XPO1: variants seen among roughly 807,000 people sequenced by gnomAD.
XPO1 encodes exportin-1.
In XPO1, 5 loss-of-function variants were observed where a neutral mutation model predicts 133.3. The ratio of observed to expected loss-of-function variants is 0.04; its 90% CI spans 0.02 to 0.08. The LOEUF is 0.08. Among genes scored for constraint, XPO1 ranks in the 10% least tolerant of loss-of-function variants. The probability of loss-of-function intolerance (pLI) is 1.00; values close to 1 mark genes in which losing one functional copy is unlikely to be tolerated. For synonymous variants in XPO1, 419 were observed against 408.2 expected (o/e 1.03, Z -0.32); for missense variants, 506 against 1,267.5 (o/e 0.40, Z 9.12).
chr2:61,482,034 C>CTTTTTTTTTTTTTTTTTT (rs1195049382), intron 23 of XPO1, among the ~76,000 whole-genome samples: 10 of 71,384 alleles, frequency 1.4e-4, no homozygotes, highest in Non-Finnish European at 2.4e-4. Flanking sequence ...CGTGCGTGGC[C>CTTTTTTTTTTTTTTTTTT]TTTTTTTTTT....
At chr2:61,505,828 G>C (rs1023067082) in intron 4 of XPO1, among the ~76,000 whole-genome samples, 1 of 152,052 alleles carries the variant, frequency 6.6e-6, no homozygotes, top group Non-Finnish European at 1.5e-5. Context: ...GAAGTGCTGG[G>C]ATTACATGAG....
intron 4 of XPO1, among the ~76,000 whole-genome samples, chr2:61,507,474 G>C (rs1212285825): frequency 6.6e-6 from 1 of 151,882 alleles, no homozygotes; most frequent in African/African-American, 2.4e-5. Context: ...CTTGGGCTGT[G>C]GCAGAATTCT....
chr2:61,498,583 A>T, intron 9 of XPO1, 90 bp downstream of exon 9: 4 of 1,497,694 alleles, frequency 2.7e-6, no homozygotes, highest in Non-Finnish European at 3.6e-6. Context: ...AAGGTTGAAT[A>T]AGGTTTAGAA....
intron 4 of XPO1, among the ~76,000 whole-genome samples, chr2:61,512,998 CAAAT>C (rs1190467066): frequency 6.6e-6 from 1 of 152,142 alleles, no homozygotes; most frequent in African/African-American, 2.4e-5. Flanking sequence ...GACTCTGTCT[CAAAT>C]AAATATATAA....
At chr2:61,535,134 G>A (rs1034097295) in intron 1 of XPO1, among the ~76,000 whole-genome samples, 1 of 152,148 alleles carries the variant, frequency 6.6e-6, no homozygotes, top group African/African-American at 2.4e-5. Context: ...TAAGATGCTG[G>A]CACACATCCA....
rs781627453 is a variant in XPO1, at chr2:61,490,806, T to G, written c.1888-30A>C. ...TTTAAAAAGCAGACATTTTAACGTT[T>G]ATGTTATACACCCTAATAAGGAAAA... On this transcript the variant is annotated intron_variant, in intron 16 of 24. Coordinates refer to ENST00000401558, the MANE Select transcript of XPO1 (RefSeq NM_003400.4). 6.8e-6 allele frequency: 11 copies of G among 1,606,680 alleles called. No individual in the cohort carries two copies. The East Asian group carries it at 1.3e-4, about 20-fold the overall frequency.
chr2:61,484,303 A>G lies in XPO1; in HGVS notation c.2509-198T>C, dbSNP rs1024326522. The G allele has an allele frequency of 3.4e-5, 17 of 507,278 alleles. No individual in the cohort carries two copies. The South Asian group carries it at 3.5e-4, about 10-fold the overall frequency. The allele number at this position is 507,278 out of a possible 1,614,324, so 31.4% of individuals were successfully genotyped here. On this transcript the variant is annotated intron_variant, in intron 20 of 24. Coordinates refer to ENST00000401558, the MANE Select transcript of XPO1 (RefSeq NM_003400.4). ...AAAATGAAACTGTCCCGTTACGCAC[A>G]TGAGTTATCAAATTGAAGGAGAAAG...
At chr2:61,511,958 CGG>C (rs1698120204) in intron 4 of XPO1, among the ~76,000 whole-genome samples, 1 of 151,692 alleles carries the variant, frequency 6.6e-6, no homozygotes, top group South Asian at 2.1e-4. Context: ...TTAGTAGAGA[CGG>C]GGTTTCACCA....
At chr2:61,489,536 T>A (rs977182964) in intron 17 of XPO1, among the ~76,000 whole-genome samples, 10 of 151,984 alleles carry the variant, frequency 6.6e-5, no homozygotes, top group African/African-American at 2.2e-4. Context: ...TACATCTACT[T>A]AAGAATGAAG....
At chr2:61,519,044 G>A (rs777381194) in intron 4 of XPO1, among the ~76,000 whole-genome samples, 1 of 151,962 alleles carries the variant, frequency 6.6e-6, no homozygotes, top group African/African-American at 2.4e-5. Flanking sequence ...TCCGCCTCCC[G>A]GGTTCAAGCA....
intron 1 of XPO1, among the ~76,000 whole-genome samples, chr2:61,537,354 G>A (rs537915818): frequency 1.3e-5 from 2 of 151,154 alleles, no homozygotes; most frequent in African/African-American, 4.8e-5. Flanking sequence ...CCCCTCCCGA[G>A]GCCGCCTCCC....
chr2:61,519,716 AAAAAAAAC>A (rs1161392561), intron 4 of XPO1, among the ~76,000 whole-genome samples: 6 of 150,884 alleles, frequency 4.0e-5, no homozygotes, highest in South Asian at 4.2e-4. Flanking sequence ...AAAAAAAAAA[AAAAAAAAC>A]ACCACGTAAA....
intron 4 of XPO1, among the ~76,000 whole-genome samples, chr2:61,504,037 CTT>C (rs773144746): frequency 5.8e-4 from 89 of 152,252 alleles, no homozygotes; most frequent in African/African-American, 1.6e-3. Context: ...AGAGCGAACT[CTT>C]GTCTCAAAAA....
At position 61,522,627 on chromosome 2, in the gene XPO1, T is replaced by G. The variant is rs748473780; in HGVS notation, c.285A>C (p.Pro95=). The G allele has an allele frequency of 6.2e-7, 1 of 1,613,920 alleles. No individual in the cohort carries two copies. Among genetic ancestry groups the G allele is most frequent in the Non-Finnish European group, 8.5e-7 (1 of 1,179,870 alleles). ...NVIKTRWKIL[P]RNQCEGIKKY... ...TTTTCCTACCTTCGCACTGGTTCCTTGGAAGAATCTTCCACCTTGTTTTTA... is the reference window on the plus strand; with the variant it reads ...TTTTCCTACCTTCGCACTGGTTCCTGGGAAGAATCTTCCACCTTGTTTTTA... The change falls in exon 4 of 25, where the codon CCA becomes CCC. Residue 95 remains proline (P), a synonymous_variant. Coordinates refer to ENST00000401558, the MANE Select transcript of XPO1 (RefSeq NM_003400.4).
Position 61,498,922 on chromosome 2 carries a change from A to T in XPO1, c.591-9T>A. ...AGAATTCATTGCACATGCTAAAAAA[A>T]AAAACACACAAAAATATCAGATTTA... On this transcript the variant is annotated splice_polypyrimidine_tract_variant and intron_variant, in intron 7 of 24. Transcript: ENST00000401558. The T allele has an allele frequency of 2.5e-6, 4 of 1,573,104 alleles. No homozygotes were observed. Among genetic ancestry groups the T allele is most frequent in the Non-Finnish European group, 3.4e-6 (4 of 1,162,306 alleles).
intron 2 of XPO1, among the ~76,000 whole-genome samples, chr2:61,531,661 T>C (rs1699159217): frequency 6.6e-6 from 1 of 152,232 alleles, no homozygotes. Flanking sequence ...TACAGACCTG[T>C]GCTTCCAATA....
intron 4 of XPO1, among the ~76,000 whole-genome samples, chr2:61,521,288 G>A (rs1310826600): frequency 6.6e-6 from 1 of 152,142 alleles, no homozygotes; most frequent in Non-Finnish European, 1.5e-5. Context: ...GTAAATCCAT[G>A]TCACTATTCT....
chr2:61,526,794 G>A (rs572345512), intron 2 of XPO1, among the ~76,000 whole-genome samples: 29 of 150,230 alleles, frequency 1.9e-4, no homozygotes, highest in African/African-American at 7.1e-4. Context: ...TGCAACCTCT[G>A]CCTCCTGGGT....
At chr2:61,518,554 T>C (rs905911830) in intron 4 of XPO1, among the ~76,000 whole-genome samples, 3 of 145,912 alleles carry the variant, frequency 2.1e-5, no homozygotes, top group African/African-American at 7.6e-5. Flanking sequence ...GAGGCAGAGC[T>C]TGCACTGAGC....
Sources: gnomAD v4.1 joint callset for allele counts (sites outside exome capture counted in the v4.1 genomes callset) on GRCh38, gnomAD v4.1.1 for gene constraint, MANE v1.5 for transcripts, NCBI Gene and HGNC (gene_info 2026-07-23, HGNC 2026-07-21) for gene names.